Variants in LYN observed in about 807,000 individuals in gnomAD.
The protein encoded by LYN is LYN proto-oncogene, Src family tyrosine kinase.
LYN carries 12 observed loss-of-function variants against 65.0 expected under a neutral mutation model. The ratio of observed to expected loss-of-function variants is 0.18; its 90% CI spans 0.12 to 0.30. The LOEUF is 0.30. Ranked by LOEUF, LYN falls within the 10% of genes least tolerant of loss-of-function variation. The pLI is 1.00. For missense variants in LYN, 380 were observed against 623.2 expected, an observed-to-expected ratio of 0.61 and a Z score of 4.16; for synonymous variants, 222 against 221.2, an observed-to-expected ratio of 1.00 and a Z score of -0.03.
chr8:55,880,035 G>T lies in LYN; in HGVS notation c.-74G>T. 3.2e-6 allele frequency: 1 copy of T among 307,880 alleles called. No individual in the cohort carries two copies. The allele number at this position is 307,880 out of a possible 1,614,324, so 19.1% of individuals were successfully genotyped here. ...TACGCAGGTCCTGCTGGGCCGCCCCGTCGCGCCCCCCACTCTGAACTCAAG... is the reference window on the plus strand; with the variant it reads ...TACGCAGGTCCTGCTGGGCCGCCCCTTCGCGCCCCCCACTCTGAACTCAAG... On this transcript the variant is annotated 5_prime_UTR_variant, in exon 1 of 13. Coordinates refer to ENST00000519728, the MANE Select transcript of LYN (RefSeq NM_002350.4).
intron 2 of LYN, among the ~76,000 whole-genome samples, chr8:55,943,701 C>G (rs1806694760): frequency 6.6e-6 from 1 of 152,254 alleles, no homozygotes; most frequent in East Asian, 1.9e-4. Flanking sequence ...TCAATATGTC[C>G]CCATTACCCT....
intron 12 of LYN, among the ~76,000 whole-genome samples, chr8:56,000,959 A>C (rs1808495012): frequency 6.6e-6 from 1 of 152,044 alleles, no homozygotes; most frequent in South Asian, 2.1e-4. Context: ...TAGTGGGGAG[A>C]GACTGATGTT....
chr8:55,911,131 A>ATACATATATATCCGTGTATATATATG (rs1805599783), intron 1 of LYN, among the ~76,000 whole-genome samples: 1 of 9,164 alleles, frequency 1.1e-4, no homozygotes. Flanking sequence ...ATATATACAC[A>ATACATATATATCCGTGTATATATATG]TACATATATA....
chr8:55,884,783 T>A (rs1171215536), intron 1 of LYN, among the ~76,000 whole-genome samples: 2 of 152,192 alleles, frequency 1.3e-5, no homozygotes, highest in Non-Finnish European at 2.9e-5. Context: ...CAAGTTTAAA[T>A]ACTTGGGATG....
chr8:56,008,358 T>A (rs539261498), intron 12 of LYN, among the ~76,000 whole-genome samples: 3 of 152,128 alleles, frequency 2.0e-5, no homozygotes, highest in Non-Finnish European at 4.4e-5. Context: ...AATCTACAGC[T>A]TTGAAAAAGA....
rs1214485363 is a variant in LYN, at chr8:55,931,311, T to G, written c.-5-10544T>G. On this transcript the variant is annotated intron_variant, in intron 1 of 12. Transcript: ENST00000519728. ...ACATGTATAACTTGTCTATGTATTA[T>G]GTATTATAATAAAATACATTGATAC... Among the ~76,000 whole-genome samples, 6 of 150,628 alleles carry G rather than the reference T, an allele frequency of 4.0e-5. No individual in the cohort carries two copies. In the East Asian group the frequency reaches 1.2e-3, roughly 29 times the overall value.
At chr8:55,948,510 C>T (rs1475132509) in intron 4 of LYN, among the ~76,000 whole-genome samples, 1 of 152,214 alleles carries the variant, frequency 6.6e-6, no homozygotes, top group African/African-American at 2.4e-5. Context: ...ATCTCCTCAA[C>T]CCCCTCTTGC....
At chr8:55,944,841 A>G (rs1319529078) in intron 2 of LYN, among the ~76,000 whole-genome samples, 2 of 152,220 alleles carry the variant, frequency 1.3e-5, no homozygotes, top group African/African-American at 2.4e-5. Flanking sequence ...CAAGGAGAAT[A>G]GTGTGCAAAC....
In LYN at chr8:55,990,492, G is replaced by T. The variant is rs533657551; in HGVS notation, c.1051-7854G>T. ...AGGAAAAGACTTGGAAAGGGAATGG[G>T]ATTCTCTATAGAATATAAATTTCCC... On this transcript the variant is annotated intron_variant, in intron 10 of 12. Transcript: ENST00000519728. Among the ~76,000 whole-genome samples the T allele has an allele frequency of 7.9e-5, 12 of 152,228 alleles. No individual in the cohort carries two copies. The East Asian group carries it at 2.1e-3, about 27-fold the overall frequency.
chr8:56,004,225 C>G (rs1808614530), intron 12 of LYN, among the ~76,000 whole-genome samples: 1 of 150,948 alleles, frequency 6.6e-6, no homozygotes, highest in South Asian at 2.1e-4. Context: ...AGTCACCGCA[C>G]CCGGCCTAAA....
intron 1 of LYN, among the ~76,000 whole-genome samples, chr8:55,899,074 T>G (rs1805191863): frequency 6.6e-6 from 1 of 152,214 alleles, no homozygotes; most frequent in Non-Finnish European, 1.5e-5. Context: ...TGTACCCAGC[T>G]AAGTTTCTTT....
chr8:55,946,189 G>A (rs1806770087), intron 2 of LYN, among the ~76,000 whole-genome samples: 1 of 152,166 alleles, frequency 6.6e-6, no homozygotes, highest in Non-Finnish European at 1.5e-5. Context: ...GAGGAGCTAG[G>A]ATGAGGTGAG....
intron 1 of LYN, among the ~76,000 whole-genome samples, chr8:55,887,013 C>A (rs1016655972): frequency 2.0e-5 from 3 of 152,210 alleles, no homozygotes; most frequent in African/African-American, 7.2e-5. Context: ...CCCCTTCCAA[C>A]GTACAGAGAT....
At chr8:55,906,960 A>G (rs1344700841) in intron 1 of LYN, among the ~76,000 whole-genome samples, 3 of 152,188 alleles carry the variant, frequency 2.0e-5, no homozygotes, top group African/African-American at 7.2e-5. Context: ...CAGACTGACC[A>G]AATGCTGGCA....
At chr8:56,004,896 C>T (rs1393543616) in intron 12 of LYN, among the ~76,000 whole-genome samples, 7 of 151,632 alleles carry the variant, frequency 4.6e-5, no homozygotes, top group Admixed American at 2.0e-4. Context: ...GTGATCCTCT[C>T]GCCTCAGCCT....
At chr8:55,920,204 G>A (rs1805904458) in intron 1 of LYN, among the ~76,000 whole-genome samples, 1 of 152,184 alleles carries the variant, frequency 6.6e-6, no homozygotes, top group African/African-American at 2.4e-5. Context: ...TAGAATTCCA[G>A]TAAAGTGAAG....
At chr8:55,966,931 G>A in intron 9 of LYN, 34 bp downstream of exon 9, 1 of 1,586,684 alleles carries the variant, frequency 6.3e-7, no homozygotes, top group Non-Finnish European at 8.6e-7. Context: ...GCTTGCAAGG[G>A]CTTCAAACTC....
At chr8:55,992,323 G>A (rs1808270936) in intron 10 of LYN, among the ~76,000 whole-genome samples, 1 of 152,152 alleles carries the variant, frequency 6.6e-6, no homozygotes, top group Admixed American at 6.5e-5. Flanking sequence ...GCTGAGGCCT[G>A]ACCCTGTATC....
chr8:55,967,983 T>A (rs1163586226), intron 9 of LYN, among the ~76,000 whole-genome samples: 2 of 152,202 alleles, frequency 1.3e-5, no homozygotes, highest in Non-Finnish European at 2.9e-5. Context: ...CTGAATAGAT[T>A]CAAAAGATGA....
Sources: gnomAD v4.1 joint callset for allele counts (sites outside exome capture counted in the v4.1 genomes callset) on GRCh38, gnomAD v4.1.1 for gene constraint, MANE v1.5 for transcripts, NCBI Gene and HGNC (gene_info 2026-07-23, HGNC 2026-07-21) for gene names.